Variants in CHAT observed in about 807,000 individuals in gnomAD.
CHAT encodes choline O-acetyltransferase, also known as acetyl CoA:choline O-acetyltransferase.
A neutral mutation model predicts 76.9 loss-of-function variants in CHAT; 61 were observed. That is an observed-to-expected ratio of 0.79 (90% CI 0.65 to 0.98). The LOEUF (loss-of-function observed/expected upper bound fraction) is 0.98. Ranked by LOEUF, CHAT falls within the 50% of genes least tolerant of loss-of-function variation. CHAT has a pLI of 0.00. For missense variants in CHAT, 946 were observed against 986.9 expected, an observed-to-expected ratio of 0.96 and a Z score of 0.56; for synonymous variants, 407 against 397.4, an observed-to-expected ratio of 1.02 and a Z score of -0.29.
chr10:49,667,239 C>T lies in CHAT; in HGVS notation c.*2193C>T, dbSNP rs1410035892. Among the ~76,000 whole-genome samples the T allele has an allele frequency of 1.3e-5, 2 of 152,136 alleles. No individual in the cohort carries two copies. Among genetic ancestry groups the T allele is most frequent in the Non-Finnish European group, 2.9e-5 (2 of 68,022 alleles). On this transcript the variant is annotated 3_prime_UTR_variant, in exon 15 of 15. Transcript: ENST00000337653. ...AGGAAAGAACTAAGTCTCTCCTAGT[C>T]TATGGCATGCTATCATGGGGTCAAG... is the stretch of plus-strand genomic sequence containing the variant.
intron 11 of CHAT, among the ~76,000 whole-genome samples, chr10:49,654,479 G>T (rs1190867920): frequency 6.6e-6 from 1 of 152,242 alleles, no homozygotes; most frequent in Non-Finnish European, 1.5e-5. Context: ...GCCCAGGGAC[G>T]CTGGCCCAGT....
At chr10:49,610,737 G>A (rs867949511), upstream of CHAT, 4 of 1,509,680 alleles carry the variant, frequency 2.6e-6, no homozygotes, top group Admixed American at 2.3e-5. Context: ...ATCGGGGTGG[G>A]GGCATGGAAT....
chr10:49,637,462 A>C (rs544883418), intron 7 of CHAT: 1 of 152,332 alleles, frequency 6.6e-6, no homozygotes, highest in Admixed American at 6.5e-5. Flanking sequence ...TGATTGGATC[A>C]TGAGAGCGGT....
chr10:49,625,208 T>C (rs756188954), intron 5 of CHAT, among the ~76,000 whole-genome samples: 6 of 152,084 alleles, frequency 3.9e-5, no homozygotes, highest in African/African-American at 1.4e-4. Context: ...TAAGCAAAGA[T>C]GCAGAAGGCT....
intron 9 of CHAT, 82 bp from the exon 10 acceptor site, chr10:49,649,426 G>A: frequency 6.3e-7 from 1 of 1,598,844 alleles, no homozygotes; most frequent in Non-Finnish European, 8.6e-7. Context: ...TGACAGCTAA[G>A]ATGATTGCAC....
At chr10:49,630,978 GA>G (rs1839099603) in intron 7 of CHAT, among the ~76,000 whole-genome samples, 2 of 152,200 alleles carry the variant, frequency 1.3e-5, no homozygotes, top group South Asian at 4.1e-4. Context: ...AAGATTTATG[GA>G]CTGTGTTGAG....
rs146284420 is a variant in CHAT, at chr10:49,648,524, C to T, written c.1299C>T (p.Asp433=). 53 of 1,613,738 alleles carry T rather than the reference C, an allele frequency of 3.3e-5. No homozygotes were observed. The highest frequency in any genetic ancestry group is 8.0e-5 in the African/African-American group (6 of 74,926). Residue 433 remains aspartate (D), a synonymous_variant, in exon 9 of 15, where the codon GAC becomes GAT. Transcript: ENST00000337653. ...TGTTGCAGTTTGTGGTGGGCCGAGA[C>T]GGCACCTGCGGTGTGGTGTGCGAAC... ...DKSLQFVVGR[D]GTCGVVCEHS...
At chr10:49,619,029 C>G (rs908810791) in intron 2 of CHAT, among the ~76,000 whole-genome samples, 2 of 152,170 alleles carry the variant, frequency 1.3e-5, no homozygotes, top group African/African-American at 4.8e-5. Flanking sequence ...ACAAAATTCC[C>G]TGCCTGGGTT....
At chr10:49,662,622 G>A (rs1325761386) in intron 13 of CHAT, 23 bp from the exon 14 acceptor site, 6 of 1,613,886 alleles carry the variant, frequency 3.7e-6, no homozygotes, top group South Asian at 1.1e-5. Context: ...CTCATCTCCT[G>A]TTCTTTGTCC....
intron 13 of CHAT, among the ~76,000 whole-genome samples, chr10:49,661,706 G>A (rs564208717): frequency 6.6e-6 from 1 of 152,142 alleles, no homozygotes; most frequent in African/African-American, 2.4e-5. Context: ...GATTACTATG[G>A]GTCAGGGTGG....
upstream of CHAT, chr10:49,611,897 C>T (rs1047297359): frequency 1.2e-6 from 2 of 1,611,410 alleles, no homozygotes; most frequent in Admixed American, 3.3e-5. Flanking sequence ...CTAGTGGTCT[C>T]ACTATGCGGC....
chr10:49,630,137 T>C (rs764245774), intron 7 of CHAT, among the ~76,000 whole-genome samples: 50 of 151,976 alleles, frequency 3.3e-4, no homozygotes, highest in Non-Finnish European at 6.6e-4. Flanking sequence ...TATATATGTT[T>C]GGAGCCCAAG....
chr10:49,660,790 G>A (rs1223752110), intron 13 of CHAT, among the ~76,000 whole-genome samples: 2 of 152,174 alleles, frequency 1.3e-5, no homozygotes, highest in African/African-American at 4.8e-5. Context: ...AGATGGGTTT[G>A]GGGAAAGGAG....
At chr10:49,662,609 C>T (rs746000750) in intron 13 of CHAT, 36 bp from the exon 14 acceptor site, 1 of 1,613,382 alleles carries the variant, frequency 6.2e-7, no homozygotes, top group South Asian at 1.1e-5. Flanking sequence ...AGGAGGCCCA[C>T]TTCTCATCTC....
At position 49,655,433 on chromosome 10, in the gene CHAT, T is replaced by C. The variant is rs1425218360; in HGVS notation, c.1824T>C (p.Thr608=). The C allele has an allele frequency of 6.2e-7, 1 of 1,614,088 alleles. No homozygotes were observed. Among genetic ancestry groups the C allele is most frequent in the African/African-American group, 1.3e-5 (1 of 75,060 alleles). Residue 608 remains threonine (T), a synonymous_variant, in exon 13 of 15, where the codon ACT becomes ACC. Coordinates refer to ENST00000337653, the MANE Select transcript of CHAT (RefSeq NM_020549.5). The part of the protein sequence containing the change: ...LLLKDAIRAQ[T]AYTVMAITGM... The stretch of plus-strand genomic sequence containing the variant: ...TGAAGGATGCCATCCGTGCCCAGAC[T>C]GCATACACAGTCATGGTGAGTGACG...
chr10:49,662,019 GTCTCAAAACGATTTCTTAGAT>G (rs1321203436), intron 13 of CHAT, among the ~76,000 whole-genome samples: 1 of 152,192 alleles, frequency 6.6e-6, no homozygotes, highest in Non-Finnish European at 1.5e-5. Flanking sequence ...TCTAGTTCCT[GTCTCAAAACGATTTCTTAGAT>G]TATGGATCCA....
At chr10:49,628,045 G>A (rs762381247) in intron 7 of CHAT, among the ~76,000 whole-genome samples, 17 of 152,156 alleles carry the variant, frequency 1.1e-4, no homozygotes, top group Admixed American at 1.0e-3. Flanking sequence ...AATACTGGGC[G>A]GGGCGGGGGA....
At position 49,646,611 on chromosome 10, in the gene CHAT, G is replaced by A; in HGVS notation, c.1218G>A (p.Gln406=). 6.2e-7 allele frequency: 1 copy of A among 1,614,228 alleles called. No individual in the cohort carries two copies. The highest frequency in any genetic ancestry group is 8.5e-7 in the Non-Finnish European group (1 of 1,180,046). Residue 406 remains glutamine, a synonymous_variant, in exon 8 of 15, where the codon CAG becomes CAA. Coordinates refer to ENST00000337653, the MANE Select transcript of CHAT (RefSeq NM_020549.5). ...VELSDTHRAL[Q]LLHGGGYSKN... is the part of the protein sequence containing the mutation. ...TCAGCGACACCCACAGGGCACTCCAGCTCCTTCACGGCGGAGGCTACAGCA... is the reference window on the plus strand; with the variant it reads ...TCAGCGACACCCACAGGGCACTCCAACTCCTTCACGGCGGAGGCTACAGCA...
chr10:49,622,029 G>A (rs1405562337), intron 4 of CHAT, 68 bp from the exon 5 acceptor site: 3 of 1,549,404 alleles, frequency 1.9e-6, no homozygotes, highest in South Asian at 1.1e-5. Flanking sequence ...AGGGGAGGCA[G>A]AAGGGAGGGA....
Sources: gnomAD v4.1 joint callset for allele counts (sites outside exome capture counted in the v4.1 genomes callset) on GRCh38, gnomAD v4.1.1 for gene constraint, MANE v1.5 for transcripts, NCBI Gene and HGNC (gene_info 2026-07-23, HGNC 2026-07-21) for gene names.